KAZN: variants seen among roughly 807,000 people sequenced by gnomAD.
The protein encoded by KAZN is kazrin.
KAZN carries 40 observed loss-of-function variants against 87.4 expected under a neutral mutation model. The observed-to-expected ratio is 0.46, with a 90% CI of 0.36 to 0.60. KAZN has a LOEUF of 0.60. Among genes scored for constraint, KAZN ranks in the 20% least tolerant of loss-of-function variants. The pLI, the probability that KAZN is intolerant of heterozygous loss-of-function variation, is 0.00. For synonymous variants in KAZN, 466 were observed against 458.3 expected, an observed-to-expected ratio of 1.02 and a Z score of -0.22; for missense variants, 898 against 1,073.9, an observed-to-expected ratio of 0.84 and a Z score of 2.29.
intron 2 of KAZN, among the ~76,000 whole-genome samples, chr1:14,580,619 A>G (rs61771945): frequency 0.17 from 26,624 of 152,142 alleles, 2,612 homozygotes; most frequent in Middle Eastern, 0.31. Flanking sequence ...GAGTTGGACA[A>G]GTTGTGTGGT....
At chr1:14,906,864 CCGCT>C (rs138778650) in intron 1 of KAZN, among the ~76,000 whole-genome samples, 2,785 of 151,432 alleles carry the variant, frequency 0.018, 39 homozygotes, top group Middle Eastern at 0.065. Flanking sequence ...GGGTCCACAC[CCGCT>C]CCCCGCCTTG....
intron 2 of KAZN, among the ~76,000 whole-genome samples, chr1:14,424,116 C>T (rs1665581854): frequency 6.6e-6 from 1 of 152,180 alleles, no homozygotes; most frequent in Non-Finnish European, 1.5e-5. Context: ...TCCCAACTCA[C>T]ATAGTAAACT....
At chr1:14,247,657 C>A (rs1469738606) in intron 2 of KAZN, among the ~76,000 whole-genome samples, 2 of 152,134 alleles carry the variant, frequency 1.3e-5, no homozygotes, top group African/African-American at 4.8e-5. Flanking sequence ...GTGATCGATA[C>A]GCATCAAATG....
At chr1:14,661,733 G>A (rs1029077921) in intron 1 of KAZN, among the ~76,000 whole-genome samples, 1 of 151,886 alleles carries the variant, frequency 6.6e-6, no homozygotes, top group Non-Finnish European at 1.5e-5. Context: ...TGGCCAACAT[G>A]GCAAAACCCC....
intron 1 of KAZN, among the ~76,000 whole-genome samples, chr1:14,118,054 C>A (rs532560759): frequency 1.4e-4 from 22 of 152,208 alleles, no homozygotes; most frequent in African/African-American, 4.6e-4. Context: ...GAGACCGGGG[C>A]GTTGCATGGG....
chr1:14,969,962 C>T (rs1222338770), intron 2 of KAZN, among the ~76,000 whole-genome samples: 1 of 151,888 alleles, frequency 6.6e-6, no homozygotes, highest in Non-Finnish European at 1.5e-5. Context: ...TACAGGCGCC[C>T]GCCACCACGC....
chr1:14,702,326 CTG>C lies in KAZN; in HGVS notation c.226+103142_226+103143del, dbSNP rs3222186. 7.1e-3 allele frequency among the ~76,000 whole-genome samples: 949 copies of C among 133,314 alleles called. 9 individuals are homozygous for C. The highest frequency in any genetic ancestry group is 0.018 in the East Asian group (77 of 4,374). The allele number at this position is 133,314 out of a possible 152,430, so 87.5% of individuals were successfully genotyped here. On this transcript the variant is annotated intron_variant, in intron 1 of 14. Coordinates refer to ENST00000376030, the MANE Select transcript of KAZN (RefSeq NM_201628.3). ...GGAAAATGCTGATATTTTTGCAAAACTGTGTGTGTGTGTGTGTGTGTGTGTGT... is the reference window on the plus strand; with the variant it reads ...GGAAAATGCTGATATTTTTGCAAAACTGTGTGTGTGTGTGTGTGTGTGTGT...
At chr1:14,936,449 C>T (rs1405384853) in intron 1 of KAZN, among the ~76,000 whole-genome samples, 3 of 152,238 alleles carry the variant, frequency 2.0e-5, no homozygotes, top group African/African-American at 4.8e-5. Context: ...CTGGACATCC[C>T]GCACCATGGG....
chr1:13,949,090 AT>A (rs1168065781), intron 1 of KAZN, among the ~76,000 whole-genome samples: 1 of 152,154 alleles, frequency 6.6e-6, no homozygotes, highest in Non-Finnish European at 1.5e-5. Flanking sequence ...GATCTAATCT[AT>A]TATTCTTTCC....
intron 1 of KAZN, among the ~76,000 whole-genome samples, chr1:14,077,936 G>A (rs568860673): frequency 2.6e-4 from 39 of 152,320 alleles, no homozygotes; most frequent in Non-Finnish European, 4.4e-4. Flanking sequence ...AGAGAAAGGT[G>A]TGGAACTGCT....
rs1424266025 is a variant in KAZN, at chr1:14,975,772, C to T, written c.418+14897C>T. On this transcript the variant is annotated intron_variant, in intron 2 of 14. Coordinates refer to ENST00000376030, the MANE Select transcript of KAZN (RefSeq NM_201628.3). ...GGTGGCCGGGCACAGTGGCTCACGC[C>T]TGTAATCCCAGTACTGCGGGAGGCC... Among the ~76,000 whole-genome samples the T allele has an allele frequency of 2.0e-5, 3 of 152,272 alleles. No individual in the cohort carries two copies. In the East Asian group the frequency reaches 5.8e-4, roughly 29 times the overall value.
At chr1:14,071,716 G>A (rs1450005157) in intron 1 of KAZN, among the ~76,000 whole-genome samples, 2 of 152,196 alleles carry the variant, frequency 1.3e-5, no homozygotes, top group East Asian at 1.9e-4. Context: ...TGGTGGAAGG[G>A]CATGAAGGAT....
chr1:13,988,250 C>T (rs1413380919), intron 1 of KAZN, among the ~76,000 whole-genome samples: 1 of 151,894 alleles, frequency 6.6e-6, no homozygotes, highest in Non-Finnish European at 1.5e-5. Context: ...ACCAGACTAC[C>T]AAATCATTCA....
At chr1:13,913,997 ACT>A (rs1214502551) in intron 1 of KAZN, among the ~76,000 whole-genome samples, 1 of 152,064 alleles carries the variant, frequency 6.6e-6, no homozygotes, top group Non-Finnish European at 1.5e-5. Flanking sequence ...TCAATCAGAG[ACT>A]CTGGGGGTGA....
intron 2 of KAZN, among the ~76,000 whole-genome samples, chr1:14,370,005 C>A (rs1207250960): frequency 6.6e-6 from 1 of 152,212 alleles, no homozygotes; most frequent in Non-Finnish European, 1.5e-5. Context: ...CACCTCCCCA[C>A]ACGTGCATGA....
At chr1:13,987,889 G>A (rs1639094650) in intron 1 of KAZN, among the ~76,000 whole-genome samples, 1 of 152,146 alleles carries the variant, frequency 6.6e-6, no homozygotes, top group Admixed American at 6.5e-5. Context: ...CAGTACTGGA[G>A]GCCAGTCAGT....
intron 2 of KAZN, among the ~76,000 whole-genome samples, chr1:15,002,270 G>A (rs1172145666): frequency 6.6e-6 from 1 of 152,194 alleles, no homozygotes; most frequent in Non-Finnish European, 1.5e-5. Context: ...TCCCTGTGGA[G>A]GGCACAGAAT....
chr1:14,216,703 G>C (rs1263801764), intron 2 of KAZN, among the ~76,000 whole-genome samples: 1 of 152,092 alleles, frequency 6.6e-6, no homozygotes, highest in Non-Finnish European at 1.5e-5. Context: ...AGGATTTCAA[G>C]AACAGCCTGG....
chr1:14,697,478 T>C (rs1259479996), intron 1 of KAZN, among the ~76,000 whole-genome samples: 2 of 152,254 alleles, frequency 1.3e-5, no homozygotes, highest in East Asian at 3.8e-4. Flanking sequence ...TCTCTGTTCT[T>C]CTGGAGAGTA....
Sources: allele counts gnomAD v4.1 joint callset (sites outside exome capture counted in the v4.1 genomes callset), GRCh38; gene constraint gnomAD v4.1.1; transcripts MANE v1.5; gene names NCBI Gene and HGNC (gene_info 2026-07-23, HGNC 2026-07-21).